The following MLLT3 variants were observed in gnomAD, a reference collection of about 807,000 sequenced individuals.
MLLT3 encodes MLLT3 super elongation complex subunit.
In MLLT3, 4 loss-of-function variants were observed where a neutral mutation model predicts 53.2. The ratio of observed to expected loss-of-function variants is 0.08; its 90% confidence interval spans 0.04 to 0.17. The LOEUF is 0.17. Among genes scored for constraint, MLLT3 ranks in the 10% least tolerant of loss-of-function variants. MLLT3 has a pLI of 1.00. For missense variants in MLLT3, 569 were observed against 684.0 expected, an observed-to-expected ratio of 0.83 and a Z score of 1.87; for synonymous variants, 283 against 230.6, an observed-to-expected ratio of 1.23 and a Z score of -2.06.
chr9:20,375,672 G>C (rs896468929), intron 5 of MLLT3, among the ~76,000 whole-genome samples: 26 of 148,118 alleles, frequency 1.8e-4, no homozygotes, highest in African/African-American at 6.7e-4. Flanking sequence ...CAGTGGCGCG[G>C]TTCTCAGCTC....
Position 20,519,551 on chromosome 9 carries a change from CT to C in MLLT3, c.194-62766del, listed in dbSNP as rs200045411. ...ACTCACAGAATATCACTGAATCTCA[CT>C]TTTCAAAAGAATACATACATGTGGC... On this transcript the variant is annotated intron_variant, in intron 2 of 10. Coordinates refer to ENST00000380338, the MANE Select transcript of MLLT3 (RefSeq NM_004529.4). Among the ~76,000 whole-genome samples, 69 of 151,978 alleles carry C rather than the reference CT, an allele frequency of 4.5e-4. No individual in the cohort carries two copies. The East Asian group carries it at 0.012, about 25-fold the overall frequency.
intron 2 of MLLT3, among the ~76,000 whole-genome samples, chr9:20,462,342 A>G (rs1310654564): frequency 1.3e-5 from 2 of 152,230 alleles, no homozygotes; most frequent in African/African-American, 4.8e-5. Flanking sequence ...AGAATTAAAG[A>G]TAACATCAAC....
At chr9:20,507,996 C>T (rs998563070) in intron 2 of MLLT3, among the ~76,000 whole-genome samples, 15 of 151,990 alleles carry the variant, frequency 9.9e-5, no homozygotes, top group African/African-American at 3.6e-4. Flanking sequence ...GAAATTAATT[C>T]AATAACATTA....
intron 5 of MLLT3, among the ~76,000 whole-genome samples, chr9:20,395,584 G>A (rs528130064): frequency 8.5e-5 from 13 of 152,238 alleles, no homozygotes; most frequent in Admixed American, 2.0e-4. Flanking sequence ...TGTTGGCTAT[G>A]TGTTTACTGC....
intron 2 of MLLT3, among the ~76,000 whole-genome samples, chr9:20,520,172 G>C (rs1241892085): frequency 6.6e-6 from 1 of 152,052 alleles, no homozygotes; most frequent in East Asian, 1.9e-4. Context: ...CACATAGAGG[G>C]GAACAACACA....
At position 20,478,890 on chromosome 9, in the gene MLLT3, TC is replaced by T. The variant is rs541864211; in HGVS notation, c.194-22105del. Among the ~76,000 whole-genome samples, 268 of 152,202 alleles carry T rather than the reference TC, an allele frequency of 1.8e-3. 2 individuals carry two copies. In the South Asian group the frequency reaches 0.022, roughly 12 times the overall value. ...ACTTCAGCAGAGGTGAAGTTCCATCTCCAGAAACTTCAACACGGAATTTTCC... is the reference window on the plus strand; with the variant it reads ...ACTTCAGCAGAGGTGAAGTTCCATCTCAGAAACTTCAACACGGAATTTTCC... On this transcript the variant is annotated intron_variant, in intron 2 of 10. Coordinates refer to ENST00000380338, the MANE Select transcript of MLLT3 (RefSeq NM_004529.4).
At chr9:20,556,413 A>G (rs1819058541) in intron 2 of MLLT3, among the ~76,000 whole-genome samples, 1 of 152,188 alleles carries the variant, frequency 6.6e-6, no homozygotes, top group Admixed American at 6.6e-5. Context: ...GGCCAGGCGC[A>G]GTGGCTCAAA....
chr9:20,545,970 G>A (rs1818777299), intron 2 of MLLT3, among the ~76,000 whole-genome samples: 1 of 151,884 alleles, frequency 6.6e-6, no homozygotes, highest in African/African-American at 2.4e-5. Context: ...AGTGAGCTAT[G>A]ATCGTGCCAC....
chr9:20,547,854 A>G (rs1818830455), intron 2 of MLLT3, among the ~76,000 whole-genome samples: 1 of 152,220 alleles, frequency 6.6e-6, no homozygotes, highest in African/African-American at 2.4e-5. Flanking sequence ...CAGGAGGCTT[A>G]GGTGGGAGGA....
intron 2 of MLLT3, among the ~76,000 whole-genome samples, chr9:20,567,850 G>A (rs1260357552): frequency 6.6e-6 from 1 of 152,024 alleles, no homozygotes; most frequent in Admixed American, 6.6e-5. Context: ...ATTCCACTGG[G>A]GAGCAAGGGG....
chr9:20,439,622 C>T (rs1208778371), intron 4 of MLLT3, among the ~76,000 whole-genome samples: 1 of 152,018 alleles, frequency 6.6e-6, no homozygotes, highest in African/African-American at 2.4e-5. Context: ...AGAAAGAAAG[C>T]AATAGAACAC....
intron 2 of MLLT3, among the ~76,000 whole-genome samples, chr9:20,595,605 G>T (rs1342705275): frequency 6.6e-6 from 1 of 151,972 alleles, no homozygotes; most frequent in Non-Finnish European, 1.5e-5. Context: ...TCACCAATTT[G>T]CAACCCCAAT....
At chr9:20,384,595 T>C (rs1821984440) in intron 5 of MLLT3, among the ~76,000 whole-genome samples, 1 of 152,062 alleles carries the variant, frequency 6.6e-6, no homozygotes, top group Non-Finnish European at 1.5e-5. Flanking sequence ...TCTAACACAA[T>C]TATCATCAAT....
At chr9:20,500,715 C>G (rs1825201639) in intron 2 of MLLT3, among the ~76,000 whole-genome samples, 1 of 152,186 alleles carries the variant, frequency 6.6e-6, no homozygotes, top group Non-Finnish European at 1.5e-5. Context: ...TGTTTTCCAT[C>G]TTGTCTACTA....
chr9:20,478,271 A>G (rs569211034), intron 2 of MLLT3, among the ~76,000 whole-genome samples: 7 of 152,248 alleles, frequency 4.6e-5, no homozygotes, highest in African/African-American at 1.4e-4. Context: ...TGCATACACT[A>G]AGGCCTTTAT....
chr9:20,495,996 G>T (rs1305390509), intron 2 of MLLT3, among the ~76,000 whole-genome samples: 1 of 152,136 alleles, frequency 6.6e-6, no homozygotes, highest in Non-Finnish European at 1.5e-5. Flanking sequence ...AACACAGTTT[G>T]AGTCACAAAA....
chr9:20,521,085 T>C (rs1818044981), intron 2 of MLLT3, among the ~76,000 whole-genome samples: 1 of 151,910 alleles, frequency 6.6e-6, no homozygotes, highest in Non-Finnish European at 1.5e-5. Flanking sequence ...TTCTTTTTTT[T>C]TTAAAGGAGA....
intron 5 of MLLT3, among the ~76,000 whole-genome samples, chr9:20,399,574 A>C (rs754019638): frequency 2.6e-5 from 4 of 152,122 alleles, no homozygotes; most frequent in African/African-American, 9.7e-5. Flanking sequence ...TATTTAGAAA[A>C]GTTTCAAAGA....
intron 4 of MLLT3, among the ~76,000 whole-genome samples, chr9:20,439,673 T>C (rs1823496030): frequency 6.6e-6 from 1 of 152,230 alleles, no homozygotes; most frequent in East Asian, 1.9e-4. Flanking sequence ...TTTATATCAA[T>C]CCTCTGAAGT....
Sources: allele counts gnomAD v4.1 joint callset (sites outside exome capture counted in the v4.1 genomes callset), GRCh38; gene constraint gnomAD v4.1.1; transcripts MANE v1.5; gene names NCBI Gene and HGNC (gene_info 2026-07-23, HGNC 2026-07-21).